The following GALK2 variants were observed in gnomAD, a reference collection of about 807,000 sequenced individuals.
GALK2 encodes galactokinase 2.
GALK2 carries 36 observed loss-of-function variants against 52.4 expected under a neutral mutation model. The observed-to-expected ratio is 0.69, with a 90% CI of 0.53 to 0.91. The LOEUF (loss-of-function observed/expected upper bound fraction) is 0.91, where lower values mean the gene tolerates loss of function less well. GALK2 is among the 40% of genes least tolerant of loss of function. GALK2 has a pLI of 0.00. For missense variants in GALK2, 579 were observed against 559.1 expected (o/e 1.04, Z -0.36); for synonymous variants, 176 against 199.1 (o/e 0.88, Z 0.98).
At chr15:49,183,044 C>CA (rs1398458053) in intron 1 of GALK2, among the ~76,000 whole-genome samples, 4 of 151,876 alleles carry the variant, frequency 2.6e-5, no homozygotes, top group Non-Finnish European at 4.4e-5. Flanking sequence ...GGACATTAGA[C>CA]AAAAAAAATC....
intron 3 of GALK2, among the ~76,000 whole-genome samples, chr15:49,221,528 G>A (rs1240432669): frequency 1.3e-5 from 2 of 151,994 alleles, no homozygotes; most frequent in Non-Finnish European, 2.9e-5. Flanking sequence ...TTAGCTGGGT[G>A]TGGTGGTGCG....
downstream of GALK2, among the ~76,000 whole-genome samples, chr15:49,334,644 G>A (rs747638005): frequency 2.0e-5 from 3 of 152,132 alleles, no homozygotes; most frequent in Non-Finnish European, 4.4e-5. Context: ...GGCAGGAGAC[G>A]GGAATGGGGA....
chr15:49,260,785 G>A (rs2092066489), intron 5 of GALK2, among the ~76,000 whole-genome samples: 1 of 152,190 alleles, frequency 6.6e-6, no homozygotes, highest in East Asian at 1.9e-4. Flanking sequence ...TTCTACATAT[G>A]GCTAGCCAGT....
chr15:49,189,276 C>G (rs77870653), intron 1 of GALK2, among the ~76,000 whole-genome samples: 1 of 152,080 alleles, frequency 6.6e-6, no homozygotes, highest in Non-Finnish European at 1.5e-5. Flanking sequence ...CAAGGACATT[C>G]TTTTATATAA....
chr15:49,261,947 A>G (rs1390919594), intron 5 of GALK2, among the ~76,000 whole-genome samples: 2 of 152,092 alleles, frequency 1.3e-5, no homozygotes, highest in African/African-American at 4.8e-5. Flanking sequence ...AAGCTTTTTG[A>G]TGTGCTGCTG....
rs1295894373 is a variant in GALK2, at chr15:49,342,562, T to C, written c.426+22757T>C. 2.6e-5 allele frequency among the ~76,000 whole-genome samples: 4 copies of C among 152,338 alleles called. No individual in the cohort carries two copies. The East Asian group carries it at 7.7e-4, about 29-fold the overall frequency. ...TTATAATTAATATGTGAGGCTTTGG[T>C]GCTATCGTGAAGTTGTTAGCTGGTT... On this transcript the variant is annotated intron_variant, in intron 3 of 3. Transcript: ENST00000558399.
At chr15:49,288,716 T>C (rs1011409437) in intron 7 of GALK2, among the ~76,000 whole-genome samples, 2 of 152,216 alleles carry the variant, frequency 1.3e-5, no homozygotes, top group African/African-American at 4.8e-5. Context: ...GTAATGTGTT[T>C]AGTGGAACCA....
rs1306924822 is a variant in GALK2, at chr15:49,331,661, A to G, written c.*3502A>G. On this transcript the variant is annotated 3_prime_UTR_variant, in exon 10 of 10. Transcript: ENST00000560031. ...GTAGATGATTAAGTAACAAGAATGT[A>G]TCCTCTCCTGCCACTGTAATTTGGG... The G allele has an allele frequency of 2.3e-5, 15 of 657,202 alleles. No homozygotes were observed. The allele number at this position is 657,202 out of a possible 1,614,324, so 40.7% of individuals were successfully genotyped here.
chr15:49,327,990 G>C lies in GALK2; in HGVS notation c.1208G>C (p.Gly403Ala). 2 of 1,613,822 alleles carry C rather than the reference G, an allele frequency of 1.2e-6. No homozygotes were observed. The highest frequency in any genetic ancestry group is 2.2e-5 in the South Asian group (2 of 91,066). ...CAAGGGTCACGACTTACTGGAGCAGGATGGGGAGGCTGCACAGTATCAATG... is the reference window on the plus strand; with the variant it reads ...CAAGGGTCACGACTTACTGGAGCAGCATGGGGAGGCTGCACAGTATCAATG... ...GAQGSRLTGA[G>A]WGGCTVSMVP... Residue 403 changes from glycine (G) to alanine (A), a missense_variant, in exon 10 of 10, where the codon GGA (glycine) becomes GCA (alanine). Coordinates refer to ENST00000560031, the MANE Select transcript of GALK2 (RefSeq NM_002044.4).
At chr15:49,340,403 G>GCCCCCCCCCCCCCCCCCCC (rs373386438) in intron 3 of GALK2, among the ~76,000 whole-genome samples, 10 of 94,384 alleles carry the variant, frequency 1.1e-4, no homozygotes, top group East Asian at 4.5e-4. Context: ...GCAGTGCCCC[G>GCCCCCCCCCCCCCCCCCCC]CCCCCCCCCT....
chr15:49,284,107 G>C (rs539573076), intron 7 of GALK2, among the ~76,000 whole-genome samples: 1 of 151,980 alleles, frequency 6.6e-6, no homozygotes, highest in Non-Finnish European at 1.5e-5. Flanking sequence ...GTTATCATTC[G>C]TTACTCCAAA....
chr15:49,260,383 C>G (rs1249424481), intron 5 of GALK2, among the ~76,000 whole-genome samples: 1 of 151,346 alleles, frequency 6.6e-6, no homozygotes, highest in African/African-American at 2.4e-5. Flanking sequence ...AGTGTCTGTT[C>G]ATGTCCTTCG....
At chr15:49,179,652 CT>C (rs71875041) in intron 1 of GALK2, among the ~76,000 whole-genome samples, 45,704 of 137,990 alleles carry the variant, frequency 0.33, 7,802 homozygotes, top group East Asian at 0.59. Context: ...TTGTTTCTTT[CT>C]TTTTTTTTTT....
intron 5 of GALK2, among the ~76,000 whole-genome samples, chr15:49,270,547 T>C (rs1201733768): frequency 6.6e-6 from 1 of 152,214 alleles, no homozygotes; most frequent in Non-Finnish European, 1.5e-5. Context: ...GAGCATAACA[T>C]TTGAGCACAG....
intron 5 of GALK2, among the ~76,000 whole-genome samples, chr15:49,270,313 A>G (rs1595906199): frequency 6.6e-6 from 1 of 152,226 alleles, no homozygotes; most frequent in South Asian, 2.1e-4. Flanking sequence ...GTGAAAGGGC[A>G]ATAGTAAGTT....
At chr15:49,260,011 T>C (rs373548568) in intron 5 of GALK2, among the ~76,000 whole-genome samples, 36,687 of 150,166 alleles carry the variant, frequency 0.24, 4,635 homozygotes, top group African/African-American at 0.31. Context: ...TCCAAGTCTT[T>C]GCTATTGTGA....
At chr15:49,318,067 A>AAAT (rs2151080882) in intron 8 of GALK2, 1 of 152,300 alleles carries the variant, frequency 6.6e-6, no homozygotes, top group Non-Finnish European at 1.5e-5. Flanking sequence ...TTAAAAAAAA[A>AAAT]AATTATAGAC....
intron 3 of GALK2, among the ~76,000 whole-genome samples, chr15:49,354,970 G>A (rs1211150221): frequency 6.6e-6 from 1 of 151,950 alleles, no homozygotes; most frequent in Non-Finnish European, 1.5e-5. Flanking sequence ...GCACCCCCCA[G>A]CAGGGGCACA....
At chr15:49,257,547 C>G (rs2091865104) in intron 5 of GALK2, among the ~76,000 whole-genome samples, 1 of 152,088 alleles carries the variant, frequency 6.6e-6, no homozygotes, top group Non-Finnish European at 1.5e-5. Flanking sequence ...CATTACATAG[C>G]TATTATAACT....
Sources: allele counts gnomAD v4.1 joint callset (sites outside exome capture counted in the v4.1 genomes callset), GRCh38; gene constraint gnomAD v4.1.1; transcripts MANE v1.5; gene names NCBI Gene and HGNC (gene_info 2026-07-23, HGNC 2026-07-21).